ADAMTSL1: variants seen among roughly 807,000 people sequenced by gnomAD.
ADAMTSL1 encodes ADAMTS like 1, also known as ADAMTS-like protein 1.
Under a neutral mutation model 201.8 loss-of-function variants are expected in ADAMTSL1, and 126 were observed. The ratio of observed to expected loss-of-function variants is 0.62; its 90% confidence interval spans 0.54 to 0.72. The LOEUF is 0.72. ADAMTSL1 is among the 30% of genes least tolerant of loss of function. The pLI, the probability that ADAMTSL1 is intolerant of heterozygous loss-of-function variation, is 0.00. For synonymous variants in ADAMTSL1, 1,121 were observed against 903.4 expected (o/e 1.24, Z -4.32); for missense variants, 2,679 against 2,277.8 (o/e 1.18, Z -3.59).
At chr9:18,083,071 C>T (rs981366716) in intron 1 of ADAMTSL1, among the ~76,000 whole-genome samples, 1 of 152,062 alleles carries the variant, frequency 6.6e-6, no homozygotes, top group African/African-American at 2.4e-5. Context: ...ATTGCAATAG[C>T]GTTATAGAGG....
At chr9:18,620,299 G>A (rs965550874) in intron 4 of ADAMTSL1, among the ~76,000 whole-genome samples, 2 of 151,846 alleles carry the variant, frequency 1.3e-5, no homozygotes, top group Non-Finnish European at 1.5e-5. Flanking sequence ...CACTTATTGC[G>A]TGTGATGATT....
At chr9:18,012,999 TTTTTC>T (rs1820115729) in intron 1 of ADAMTSL1, among the ~76,000 whole-genome samples, 2 of 128,098 alleles carry the variant, frequency 1.6e-5, no homozygotes, top group Non-Finnish European at 3.4e-5. Flanking sequence ...CAGCATTTTT[TTTTTC>T]TTTAGCACAT....
At chr9:18,032,410 G>C (rs540825641) in intron 1 of ADAMTSL1, among the ~76,000 whole-genome samples, 1 of 152,298 alleles carries the variant, frequency 6.6e-6, no homozygotes, top group East Asian at 1.9e-4. Context: ...AGTCCGAACT[G>C]CTCTCAGGCT....
chr9:18,740,757 G>A (rs986076629), intron 15 of ADAMTSL1, among the ~76,000 whole-genome samples: 1 of 152,124 alleles, frequency 6.6e-6, no homozygotes, highest in Non-Finnish European at 1.5e-5. Context: ...TATTACAGGT[G>A]TGAGTCACCA....
intron 2 of ADAMTSL1, among the ~76,000 whole-genome samples, chr9:18,271,400 C>T (rs995137620): frequency 5.9e-5 from 9 of 152,110 alleles, no homozygotes; most frequent in Non-Finnish European, 1.2e-4. Context: ...TGTTCAATTC[C>T]CACCTATGAG....
At chr9:18,161,347 A>G (rs1460973524) in intron 1 of ADAMTSL1, among the ~76,000 whole-genome samples, 3 of 152,068 alleles carry the variant, frequency 2.0e-5, no homozygotes, top group Non-Finnish European at 4.4e-5. Flanking sequence ...CACAAAGAAA[A>G]TGCAACTAAG....
intron 2 of ADAMTSL1, among the ~76,000 whole-genome samples, chr9:18,460,544 G>A (rs1243190851): frequency 6.6e-6 from 1 of 152,154 alleles, no homozygotes; most frequent in African/African-American, 2.4e-5. Context: ...TGTGATGCCT[G>A]TGTTGTACTC....
intron 2 of ADAMTSL1, among the ~76,000 whole-genome samples, chr9:18,299,173 A>T (rs1332412527): frequency 1.3e-5 from 2 of 152,096 alleles, no homozygotes; most frequent in African/African-American, 4.8e-5. Flanking sequence ...GGTAAGCTTC[A>T]TGAGCTCATA....
At chr9:18,279,936 T>C (rs1832720681) in intron 2 of ADAMTSL1, among the ~76,000 whole-genome samples, 1 of 151,098 alleles carries the variant, frequency 6.6e-6, no homozygotes, top group African/African-American at 2.4e-5. Context: ...CAGACCTAGG[T>C]CCTCAATCCA....
intron 1 of ADAMTSL1, among the ~76,000 whole-genome samples, chr9:18,002,907 C>T (rs1202574443): frequency 1.3e-5 from 2 of 152,016 alleles, no homozygotes; most frequent in African/African-American, 4.8e-5. Context: ...GTCCAAAGTC[C>T]ATTCACTTGC....
At chr9:17,951,495 A>T (rs1827725928) in intron 1 of ADAMTSL1, among the ~76,000 whole-genome samples, 1 of 152,178 alleles carries the variant, frequency 6.6e-6, no homozygotes, top group Non-Finnish European at 1.5e-5. Flanking sequence ...CAAAATGGTG[A>T]GTTTTAAATT....
intron 2 of ADAMTSL1, among the ~76,000 whole-genome samples, chr9:18,370,691 C>CT (rs34963506): frequency 0.017 from 2,097 of 123,402 alleles, 31 homozygotes; most frequent in African/African-American, 0.034. Context: ...TGTAGAGCGT[C>CT]TTTTTTTTTT....
At chr9:18,539,102 A>T (rs540551561) in intron 3 of ADAMTSL1, among the ~76,000 whole-genome samples, 3 of 152,138 alleles carry the variant, frequency 2.0e-5, no homozygotes, top group African/African-American at 7.2e-5. Context: ...TCTAGTCCTT[A>T]TTATTCTAGC....
intron 1 of ADAMTSL1, among the ~76,000 whole-genome samples, chr9:18,493,627 A>T (rs1314097348): frequency 6.6e-6 from 1 of 152,240 alleles, no homozygotes; most frequent in Non-Finnish European, 1.5e-5. Context: ...GTAAATTTAG[A>T]GTTGGCATAA....
intron 3 of ADAMTSL1, among the ~76,000 whole-genome samples, chr9:18,548,058 A>G (rs1820581449): frequency 6.6e-6 from 1 of 152,090 alleles, no homozygotes; most frequent in South Asian, 2.1e-4. Context: ...TTTGACAAAG[A>G]CTTTAAAATT....
chr9:18,443,940 T>TATA (rs1820092971), intron 2 of ADAMTSL1, among the ~76,000 whole-genome samples: 2 of 152,172 alleles, frequency 1.3e-5, no homozygotes, highest in Admixed American at 6.5e-5. Flanking sequence ...AATTGTGAAG[T>TATA]ATAAGTACCT....
rs143407409 is a variant in ADAMTSL1 at position 18,533,761 on chromosome 9, T to C, written c.237+469T>C. Among the ~76,000 whole-genome samples, 4 of 152,340 alleles carry C rather than the reference T, an allele frequency of 2.6e-5. No individual in the cohort carries two copies. In the East Asian group the frequency reaches 7.7e-4, roughly 29 times the overall value. On this transcript the variant is annotated intron_variant, in intron 3 of 28. Transcript: ENST00000380548. ...GTCCCTGTTTTAAACATCTGTAGTA[T>C]AGTAAGAGGTATAGAGAAAGAAGAC...
At chr9:18,686,165 C>G (rs932840058) in intron 13 of ADAMTSL1, among the ~76,000 whole-genome samples, 1 of 152,198 alleles carries the variant, frequency 6.6e-6, no homozygotes, top group Admixed American at 6.5e-5. Context: ...AAGCAATCCG[C>G]CTGCCTCAGC....
intron 1 of ADAMTSL1, among the ~76,000 whole-genome samples, chr9:18,138,592 A>G (rs1379434326): frequency 4.6e-5 from 7 of 152,180 alleles, no homozygotes; most frequent in African/African-American, 1.7e-4. Flanking sequence ...CTCCTGTGGA[A>G]CACTGACTTT....
Sources: gnomAD v4.1 joint callset for allele counts (sites outside exome capture counted in the v4.1 genomes callset) on GRCh38, gnomAD v4.1.1 for gene constraint, MANE v1.5 for transcripts, NCBI Gene and HGNC (gene_info 2026-07-23, HGNC 2026-07-21) for gene names.